Variants in ABCA1 observed in about 807,000 individuals in gnomAD.
The protein encoded by ABCA1 is ATP binding cassette subfamily A member 1.
A neutral mutation model predicts 262.5 loss-of-function variants in ABCA1; 133 were observed. That is an observed-to-expected ratio of 0.51 (90% CI 0.44 to 0.59). The LOEUF (loss-of-function observed/expected upper bound fraction) is 0.59, where lower values mean the gene tolerates loss of function less well. ABCA1 is among the 20% of genes least tolerant of loss of function. The pLI is 0.00. For missense variants in ABCA1, 2,452 were observed against 2,777.5 expected (o/e 0.88, Z 2.63); for synonymous variants, 1,022 against 1,043.5 (o/e 0.98, Z 0.40).
intron 32 of ABCA1, 139 bp from the exon 33 acceptor site, chr9:104,803,455 T>A (rs1830509871): frequency 2.3e-6 from 2 of 875,318 alleles, no homozygotes; most frequent in South Asian, 1.4e-5. Context: ...CTTGTAGGGT[T>A]GTGCTAGAGA....
chr9:104,790,966 T>A lies in ABCA1; in HGVS notation c.5883A>T (p.Gly1961=), dbSNP rs1829374698. The change falls in exon 44 of 50, where the codon GGA becomes GGT. Residue 1961 remains glycine, a synonymous_variant. Transcript: ENST00000374736. The part of the protein sequence containing the change: ...GKSSTFKMLT[G]DTTVTRGDAF... ...CATCTCCTCTGGTAACAGTGGTATC[T>A]CCTGTTAACATCTTGAAAGTTGATG... is the stretch of plus-strand genomic sequence containing the variant. The A allele has an allele frequency of 1.2e-6, 2 of 1,613,836 alleles. No homozygotes were observed. The highest frequency in any genetic ancestry group is 8.5e-7 in the Non-Finnish European group (1 of 1,179,808).
rs1462990987 is a variant in ABCA1, at chr9:104,859,070, C to T, written c.544-372G>A. On this transcript the variant is annotated intron_variant, in intron 6 of 49. Transcript: ENST00000374736. ...TTTTATTAGATGAACAACATCCTCA[C>T]TATTTTGCAATTTATGTTGTCTTTA... 3.3e-5 allele frequency among the ~76,000 whole-genome samples: 5 copies of T among 152,238 alleles called. No individual in the cohort carries two copies. In the East Asian group the frequency reaches 9.6e-4, roughly 29 times the overall value.
intron 2 of ABCA1, among the ~76,000 whole-genome samples, chr9:104,899,473 C>G (rs1012833833): frequency 6.6e-6 from 1 of 152,058 alleles, no homozygotes; most frequent in Non-Finnish European, 1.5e-5. Flanking sequence ...GTGGGTGGAT[C>G]ACTTGAGGTC....
chr9:104,846,769 C>T (rs1478060704), intron 7 of ABCA1, among the ~76,000 whole-genome samples: 1 of 152,186 alleles, frequency 6.6e-6, no homozygotes, highest in African/African-American at 2.4e-5. Context: ...ATTCACAGTC[C>T]TCAAAGGGAC....
In ABCA1 at chr9:104,855,219, C is replaced by T. The variant is rs1835736490; in HGVS notation, c.720+3303G>A. On this transcript the variant is annotated intron_variant, in intron 7 of 49. Transcript: ENST00000374736. ...CTATCTTTTTTTTCTTTTTCTGAGA[C>T]AGAGTCTCACTCTGTCACGCTGGCT... is the stretch of plus-strand genomic sequence containing the variant. 4 of 938,350 alleles carry T rather than the reference C, an allele frequency of 4.3e-6. No individual in the cohort carries two copies. In the South Asian group the frequency reaches 2.0e-4, roughly 46 times the overall value. 58.1% of individuals were successfully genotyped at this position (938,350 alleles called of 1,614,324 possible).
rs1406099299 is a variant in ABCA1 at position 104,831,047 on chromosome 9, C to CT, written c.1769_1770insA (p.Trp590Ter). 1 of 1,613,632 alleles carries CT rather than the reference C, an allele frequency of 6.2e-7. No individual in the cohort carries two copies. The highest frequency in any genetic ancestry group is 8.5e-7 in the Non-Finnish European group (1 of 1,179,992). ...ADPFEDMRYV[W>*]GGFAYLQDVV... ...CATCCTGCAAGTAGGCGAAGCCCCCCCAGACGTACCGCATGTCCTCAAAGG... is the reference window on the plus strand; with the variant it reads ...CATCCTGCAAGTAGGCGAAGCCCCCCTCAGACGTACCGCATGTCCTCAAAGG... The change falls in exon 14 of 50, where the codon TGG becomes TGAG. Residue 590 changes from tryptophan (W) to a stop codon, truncating the protein, a stop_gained and frameshift_variant. Coordinates refer to ENST00000374736, the MANE Select transcript of ABCA1 (RefSeq NM_005502.4). LOFTEE classifies it high-confidence loss of function.
chr9:104,830,972 A>G lies in ABCA1; in HGVS notation c.1845T>C (p.Thr615=). 6.2e-7 allele frequency: 1 copy of G among 1,613,610 alleles called. No homozygotes were observed. Among genetic ancestry groups the G allele is most frequent in the South Asian group, 1.1e-5 (1 of 91,038 alleles). ...AGGGCATCTGTTGCATATAGACACC[A>G]GTTTTCTTCTCGGTGCCCGTCAGCA... ...IRVLTGTEKK[T]GVYMQQMPYP... The change falls in exon 14 of 50, where the codon ACT becomes ACC. Residue 615 remains threonine (T), a synonymous_variant. Coordinates refer to ENST00000374736, the MANE Select transcript of ABCA1 (RefSeq NM_005502.4).
At chr9:104,797,042 A>G (rs952037466) in intron 37 of ABCA1, among the ~76,000 whole-genome samples, 1 of 152,222 alleles carries the variant, frequency 6.6e-6, no homozygotes, top group Non-Finnish European at 1.5e-5. Flanking sequence ...CTGCAGCTTC[A>G]GACTACAGGG....
Position 104,828,913 on chromosome 9 carries a change from T to C in ABCA1, c.2115+3A>G. The C allele has an allele frequency of 1.2e-6, 2 of 1,614,012 alleles. No homozygotes were observed. Among genetic ancestry groups the C allele is most frequent in the Non-Finnish European group, 1.7e-6 (2 of 1,179,970 alleles). On this transcript the variant is annotated splice_donor_region_variant and intron_variant, in intron 15 of 49. Coordinates refer to ENST00000374736, the MANE Select transcript of ABCA1 (RefSeq NM_005502.4). ...CAGGGAAGAGCGAGTGAGGCTGCCT[T>C]ACCTTCAGGATGACCACTAGCAGGC...
chr9:104,785,922 C>G (rs1005583007), intron 48 of ABCA1, among the ~76,000 whole-genome samples: 3 of 152,228 alleles, frequency 2.0e-5, no homozygotes, highest in Non-Finnish European at 4.4e-5. Flanking sequence ...TAGTCACTTG[C>G]CCATGGCTCA....
At chr9:104,903,502 C>G in intron 2 of ABCA1, 112 bp downstream of exon 2, 1 of 1,121,408 alleles carries the variant, frequency 8.9e-7, no homozygotes. Flanking sequence ...TCCATCAATC[C>G]CTGTGTGAAA....
At chr9:104,873,074 A>T (rs780167741) in intron 5 of ABCA1, among the ~76,000 whole-genome samples, 14 of 152,042 alleles carry the variant, frequency 9.2e-5, no homozygotes, top group African/African-American at 3.4e-4. Context: ...TCTGAGATGC[A>T]GCCTGGCTTT....
In ABCA1 at chr9:104,877,352, C is replaced by T. The variant is rs557368245; in HGVS notation, c.421+5687G>A. On this transcript the variant is annotated intron_variant, in intron 5 of 49. Transcript: ENST00000374736. Reference sequence around the variant, plus strand: ...AAAGATTCACTAATGGCTCACCATGCACCCACTACTGTGCTGGGGCTTAGG... The same window carrying T: ...AAAGATTCACTAATGGCTCACCATGTACCCACTACTGTGCTGGGGCTTAGG... Among the ~76,000 whole-genome samples the T allele has an allele frequency of 3.9e-5, 6 of 152,362 alleles. No homozygotes were observed. In the East Asian group the frequency reaches 1.2e-3, roughly 29 times the overall value.
At chr9:104,918,096 A>G (rs768883588) in intron 1 of ABCA1, among the ~76,000 whole-genome samples, 16 of 152,190 alleles carry the variant, frequency 1.1e-4, no homozygotes, top group Non-Finnish European at 1.8e-4. Context: ...GAGATCATAT[A>G]TAAGAAGAAC....
At chr9:104,845,003 T>C (rs1481882307) in intron 8 of ABCA1, among the ~76,000 whole-genome samples, 2 of 152,234 alleles carry the variant, frequency 1.3e-5, no homozygotes, top group Non-Finnish European at 2.9e-5. Flanking sequence ...TTCCCATAGT[T>C]GAACCTCAGA....
chr9:104,901,805 C>T (rs930572378), intron 2 of ABCA1, among the ~76,000 whole-genome samples: 5 of 152,172 alleles, frequency 3.3e-5, no homozygotes, highest in African/African-American at 9.7e-5. Context: ...AGACAAGTTA[C>T]TTAACCTCTC....
At chr9:104,872,291 T>C (rs189801334) in intron 5 of ABCA1, among the ~76,000 whole-genome samples, 26 of 152,318 alleles carry the variant, frequency 1.7e-4, no homozygotes, top group African/African-American at 5.3e-4. Context: ...CAAACAGCTT[T>C]GACTGCAAAG....
At chr9:104,845,084 G>GT (rs1178912900) in intron 8 of ABCA1, among the ~76,000 whole-genome samples, 2 of 152,230 alleles carry the variant, frequency 1.3e-5, no homozygotes, top group Non-Finnish European at 2.9e-5. Flanking sequence ...GCAAGCATGT[G>GT]TGTTGGTAAA....
Position 104,819,142 on chromosome 9 carries a change from G to A in ABCA1, c.3242-259C>T, listed in dbSNP as rs77368189. 0.031 allele frequency among the ~76,000 whole-genome samples: 4,729 copies of A among 152,260 alleles called. 202 individuals carry two copies. The highest frequency in any genetic ancestry group is 0.1 in the African/African-American group (4,187 of 41,518). ...AGGCATTGTGCTAGGTGGTTTGTGT[G>A]CATTCTCATTTAATTTAATCCTCTA... On this transcript the variant is annotated intron_variant, in intron 22 of 49. Coordinates refer to ENST00000374736, the MANE Select transcript of ABCA1 (RefSeq NM_005502.4).
Sources: allele counts gnomAD v4.1 joint callset (sites outside exome capture counted in the v4.1 genomes callset), GRCh38; gene constraint gnomAD v4.1.1; transcripts MANE v1.5; gene names NCBI Gene and HGNC (gene_info 2026-07-23, HGNC 2026-07-21).